The following SLIT1 variants were observed in gnomAD, a reference collection of about 807,000 sequenced individuals.
SLIT1 encodes the protein slit guidance ligand 1.
A neutral mutation model predicts 186.1 loss-of-function variants in SLIT1; 66 were observed. The ratio of observed to expected loss-of-function variants is 0.35; its 90% CI spans 0.29 to 0.44. SLIT1 has a LOEUF of 0.44. Ranked by LOEUF, SLIT1 falls within the 20% of genes least tolerant of loss-of-function variation. SLIT1 has a pLI of 1.00. For synonymous variants in SLIT1, 761 were observed against 833.8 expected, an observed-to-expected ratio of 0.91 and a Z score of 1.50; for missense variants, 1,638 against 2,037.4, an observed-to-expected ratio of 0.80 and a Z score of 3.77.
intron 3 of SLIT1, among the ~76,000 whole-genome samples, chr10:97,161,803 G>A (rs1358121298): frequency 6.6e-6 from 1 of 152,194 alleles, no homozygotes; most frequent in Non-Finnish European, 1.5e-5. Flanking sequence ...GAGGTATCAA[G>A]TCATCTTCAT....
rs1048126521 is a variant in SLIT1, at chr10:97,022,275, G to A, written c.2583-862C>T. Reference sequence around the variant, plus strand: ...TCCAGATGTGCCGCTGTCTGCCTCCGAAGCCCATGCTCTTTTATTTTTCTT... The same window carrying A: ...TCCAGATGTGCCGCTGTCTGCCTCCAAAGCCCATGCTCTTTTATTTTTCTT... On this transcript the variant is annotated intron_variant, in intron 25 of 36. Transcript: ENST00000266058. This position sits in a 1 kb window ranked among gnomAD's most constrained non-coding sequence, Gnocchi z 4.2. 1.3e-5 allele frequency among the ~76,000 whole-genome samples: 2 copies of A among 152,308 alleles called. No homozygotes were observed. Among genetic ancestry groups the A allele is most frequent in the African/African-American group, 2.4e-5 (1 of 41,566 alleles).
intron 25 of SLIT1, among the ~76,000 whole-genome samples, chr10:97,026,073 C>T (rs192324513): frequency 2.7e-4 from 41 of 152,326 alleles, no homozygotes; most frequent in Non-Finnish European, 4.0e-4. Context: ...ATAAATGCAA[C>T]TGATTTGATT....
intron 4 of SLIT1, among the ~76,000 whole-genome samples, chr10:97,150,791 C>T (rs1422086959): frequency 6.6e-6 from 1 of 152,240 alleles, no homozygotes; most frequent in African/African-American, 2.4e-5. Flanking sequence ...GCGTGGTGGG[C>T]GGACACCCTG....
Position 97,039,979 on chromosome 10 carries a change from G to A in SLIT1, c.2297+9C>T. 6.2e-7 allele frequency: 1 copy of A among 1,613,518 alleles called. No homozygotes were observed. The highest frequency in any genetic ancestry group is 8.5e-7 in the Non-Finnish European group (1 of 1,179,734). On this transcript the variant is annotated intron_variant, in intron 21 of 36. Transcript: ENST00000266058. ...CCACGTGAAGGGGGCAAGGCCTTGA[G>A]CTACTCACAGTTCTGTGACATTCTT...
chr10:97,096,885 A>C (rs1219672400), intron 4 of SLIT1, among the ~76,000 whole-genome samples: 1 of 152,204 alleles, frequency 6.6e-6, no homozygotes, highest in Non-Finnish European at 1.5e-5. Flanking sequence ...AATGAGAGCC[A>C]CCAACAAGCC....
chr10:97,057,302 A>G, intron 11 of SLIT1, 21 bp from the exon 12 acceptor site: 1 of 1,610,708 alleles, frequency 6.2e-7, no homozygotes, highest in Non-Finnish European at 8.5e-7. Context: ...GGCAGCAGAG[A>G]GGAGGGTTAG....
intron 4 of SLIT1, among the ~76,000 whole-genome samples, chr10:97,112,976 G>A (rs944679674): frequency 1.3e-5 from 2 of 152,188 alleles, no homozygotes; most frequent in Non-Finnish European, 2.9e-5. Flanking sequence ...TTACAGGCAT[G>A]AGCCACCACG....
At chr10:97,036,956 T>C (rs183370680) in intron 22 of SLIT1, among the ~76,000 whole-genome samples, 149 of 152,280 alleles carry the variant, frequency 9.8e-4, no homozygotes, top group African/African-American at 3.5e-3. Flanking sequence ...TAGTTCATAC[T>C]TGGTTTGAGA....
chr10:97,146,559 G>A (rs1589410706), intron 4 of SLIT1, among the ~76,000 whole-genome samples: 2 of 149,082 alleles, frequency 1.3e-5, no homozygotes, highest in Non-Finnish European at 3.0e-5. Context: ...AGGTACCCCA[G>A]CCCCCCCCAC....
Position 97,002,085 on chromosome 10 carries a change from G to C in SLIT1, c.4366+73C>G, listed in dbSNP as rs1848314687. ...GGGACAGAAGGGCTGCCGAGACTGG[G>C]AGGAAGAGTCAAATTGCTAAAGCAA... On this transcript the variant is annotated intron_variant, in intron 36 of 36. Coordinates refer to ENST00000266058, the MANE Select transcript of SLIT1 (RefSeq NM_003061.3). The C allele has an allele frequency of 6.9e-6, 7 of 1,010,316 alleles. No individual in the cohort carries two copies. In the South Asian group the frequency reaches 1.3e-4, roughly 19 times the overall value. 62.6% of individuals were successfully genotyped at this position (1,010,316 alleles called of 1,614,324 possible).
At chr10:97,012,555 G>C (rs896967132) in intron 30 of SLIT1, among the ~76,000 whole-genome samples, 8 of 152,202 alleles carry the variant, frequency 5.3e-5, no homozygotes, top group African/African-American at 1.9e-4. Flanking sequence ...GCAGCTCCAG[G>C]CTGGACAACG....
chr10:97,185,420 C>T (rs1850398404), intron 1 of SLIT1, 58 bp downstream of exon 1: 4 of 1,542,518 alleles, frequency 2.6e-6, no homozygotes, highest in East Asian at 2.4e-5. Context: ...TCCGGAATTG[C>T]GTCTGGGTGG....
At position 97,145,901 on chromosome 10, in the gene SLIT1, G is replaced by C. The variant is rs540547638; in HGVS notation, c.413+11917C>G. On this transcript the variant is annotated intron_variant, in intron 4 of 36. Transcript: ENST00000266058. ...GGATGGAGGAGGTGGGGCAGGAACA[G>C]GCCCAAACGCACAAGACAGTAATTC... Among the ~76,000 whole-genome samples the C allele has an allele frequency of 2.4e-4, 36 of 152,298 alleles. 1 individual carries two copies. In the South Asian group the frequency reaches 6.2e-3, roughly 26 times the overall value.
chr10:97,101,114 A>G (rs1216617064), intron 4 of SLIT1, among the ~76,000 whole-genome samples: 2 of 152,178 alleles, frequency 1.3e-5, no homozygotes, highest in African/African-American at 2.4e-5. Context: ...GAGGGAGAGT[A>G]AATCCCAAAG....
intron 4 of SLIT1, among the ~76,000 whole-genome samples, chr10:97,122,333 T>C (rs536437420): frequency 2.0e-5 from 3 of 152,320 alleles, no homozygotes; most frequent in South Asian, 4.1e-4. Flanking sequence ...ATCTAATAGA[T>C]AGCAAGGGCC....
At chr10:97,128,032 C>T (rs1272628206) in intron 4 of SLIT1, among the ~76,000 whole-genome samples, 1 of 152,166 alleles carries the variant, frequency 6.6e-6, no homozygotes, top group African/African-American at 2.4e-5. Context: ...CCTGGGAACC[C>T]ACCATGCAGG....
intron 1 of SLIT1, among the ~76,000 whole-genome samples, chr10:97,182,946 C>T (rs551758863): frequency 6.6e-6 from 1 of 151,098 alleles, no homozygotes; most frequent in African/African-American, 2.4e-5. Context: ...GGCAATATAG[C>T]CAGATCCTCA....
intron 4 of SLIT1, among the ~76,000 whole-genome samples, chr10:97,130,752 G>A (rs1189435166): frequency 6.6e-6 from 1 of 152,162 alleles, no homozygotes; most frequent in Admixed American, 6.5e-5. Flanking sequence ...CTACTGGGAG[G>A]ATTAAATGAG....
intron 16 of SLIT1, among the ~76,000 whole-genome samples, 154 bp downstream of exon 16, chr10:97,047,536 C>T (rs988105648): frequency 6.6e-6 from 1 of 152,198 alleles, no homozygotes; most frequent in Non-Finnish European, 1.5e-5. Flanking sequence ...GGTGGGGTTT[C>T]TTCCTGCCCA....
Sources: allele counts gnomAD v4.1 joint callset (sites outside exome capture counted in the v4.1 genomes callset), GRCh38; gene constraint gnomAD v4.1.1; non-coding constraint Gnocchi (gnomAD v3.1); transcripts MANE v1.5; gene names NCBI Gene and HGNC (gene_info 2026-07-23, HGNC 2026-07-21).